Variants in ARHGAP11A observed in about 807,000 individuals in gnomAD.
The protein encoded by ARHGAP11A is rho GTPase-activating protein 11A.
Under a neutral mutation model 60.5 loss-of-function variants are expected in ARHGAP11A, and 36 were observed. The observed-to-expected ratio is 0.59, with a 90% CI of 0.46 to 0.79. ARHGAP11A has a LOEUF of 0.79. Among genes scored for constraint, ARHGAP11A ranks in the 30% least tolerant of loss-of-function variants. The pLI is 0.00. For synonymous variants in ARHGAP11A, 362 were observed against 415.5 expected, an observed-to-expected ratio of 0.87 and a Z score of 1.57; for missense variants, 1,071 against 1,199.2, an observed-to-expected ratio of 0.89 and a Z score of 1.58.
At chr15:32,620,231 C>T (rs1481883633) in intron 2 of ARHGAP11A, 53 bp downstream of exon 2, 78 of 1,606,084 alleles carry the variant, frequency 4.9e-5, no homozygotes, top group Admixed American at 2.9e-4. Context: ...ATGCCTGTAA[C>T]CCCAGCATTT....
Position 32,638,469 on chromosome 15 carries a change from T to C in ARHGAP11A, c.*624T>C, listed in dbSNP as rs910817372. On this transcript the variant is annotated 3_prime_UTR_variant, in exon 12 of 12. Transcript: ENST00000361627. ...GTGATAGAAAGAATGGAGCAAGTTG[T>C]GCCTATTTCCTCCAAGTCAGATAAG... is the stretch of plus-strand genomic sequence containing the variant. 2.0e-5 allele frequency: 3 copies of C among 152,230 alleles called. No individual in the cohort carries two copies. The highest frequency in any genetic ancestry group is 7.2e-5 in the African/African-American group (3 of 41,458). 9.4% of individuals were successfully genotyped at this position (152,230 alleles called of 1,614,324 possible).
At chr15:32,633,358 A>T (rs963380608) in intron 9 of ARHGAP11A, among the ~76,000 whole-genome samples, 1 of 152,040 alleles carries the variant, frequency 6.6e-6, no homozygotes, top group Non-Finnish European at 1.5e-5. Flanking sequence ...TTCCTGTTAG[A>T]GGCTGGGCAC....
Position 32,616,188 on chromosome 15 carries a change from C to T in ARHGAP11A, c.-24C>T. On this transcript the variant is annotated 5_prime_UTR_variant, in exon 1 of 12. Transcript: ENST00000361627. Reference sequence around the variant, plus strand: ...GAGGGTCAGGACCTGCATCCTGCCTCAGAGAGTTATCGACGTATCCGGAAT... The same window carrying T: ...GAGGGTCAGGACCTGCATCCTGCCTTAGAGAGTTATCGACGTATCCGGAAT... 6.2e-7 allele frequency: 1 copy of T among 1,613,286 alleles called. No individual in the cohort carries two copies.
At chr15:32,626,401 C>T (rs945046789) in intron 6 of ARHGAP11A, among the ~76,000 whole-genome samples, 2 of 152,294 alleles carry the variant, frequency 1.3e-5, no homozygotes, top group African/African-American at 2.4e-5. Context: ...ATAAAACTTG[C>T]AATCTCCTTG....
In ARHGAP11A at chr15:32,625,620, A is replaced by G. The variant is rs1197377929; in HGVS notation, c.849A>G (p.Arg283=). Reference sequence around the variant, plus strand: ...CTGGTGAATATAAGAGAAAGAGAAGACAAAGTGTAGGAGGTAAGTGGCGGT... The same window carrying G: ...CTGGTGAATATAAGAGAAAGAGAAGGCAAAGTGTAGGAGGTAAGTGGCGGT... ...ETPGEYKRKR[R]QSVGDFVSGA... The change falls in exon 6 of 12, where the codon AGA becomes AGG. Residue 283 remains arginine (R), a synonymous_variant. Transcript: ENST00000361627. 1.2e-6 allele frequency: 2 copies of G among 1,613,870 alleles called. No individual in the cohort carries two copies. Among genetic ancestry groups the G allele is most frequent in the East Asian group, 2.2e-5 (1 of 44,888 alleles).
In ARHGAP11A at chr15:32,635,769, C is replaced by A; in HGVS notation, c.1345-8C>A. 1 of 1,472,064 alleles carries A rather than the reference C, an allele frequency of 6.8e-7. No homozygotes were observed. Among genetic ancestry groups the A allele is most frequent in the Non-Finnish European group, 9.0e-7 (1 of 1,110,626 alleles). 91.2% of individuals were successfully genotyped at this position (1,472,064 alleles called of 1,614,324 possible). A position where few individuals can be genotyped will look rare whatever the true frequency, so the allele number is the denominator to read the frequency against. ...TTTCTTAACTAAAACTTTTTTTTTT[C>A]TGTACAGAATGGATGTTCTGGTGTC... On this transcript the variant is annotated splice_region_variant and splice_polypyrimidine_tract_variant and intron_variant, in intron 10 of 11. Transcript: ENST00000361627.
chr15:32,634,045 A>G lies in ARHGAP11A; in HGVS notation c.1344+4A>G, dbSNP rs2053647727. ...AGGGAAAAATGGCAGAGAAGTAGTA[A>G]GTTTCTTACCATTTTATTGATCTTT... is the stretch of plus-strand genomic sequence containing the variant. On this transcript the variant is annotated splice_donor_region_variant and intron_variant, in intron 10 of 11. Coordinates refer to ENST00000361627, the MANE Select transcript of ARHGAP11A (RefSeq NM_014783.6). 7 of 1,580,200 alleles carry G rather than the reference A, an allele frequency of 4.4e-6. No individual in the cohort carries two copies. The highest frequency in any genetic ancestry group is 5.2e-6 in the Non-Finnish European group (6 of 1,159,400).
In ARHGAP11A at chr15:32,636,813, A is replaced by G. The variant is rs1201485746; in HGVS notation, c.2040A>G (p.Gln680=). 3.1e-6 allele frequency: 5 copies of G among 1,608,662 alleles called. 1 individual carries two copies. The Admixed American group carries it at 8.5e-5, about 27-fold the overall frequency. ...SERDFSPLQT[Q]TFNRETTIKC... Reference sequence around the variant, plus strand: ...GGGACTTTTCACCCCTTCAAACTCAAACATTTAATAGAGAAACAACTATAA... The same window carrying G: ...GGGACTTTTCACCCCTTCAAACTCAGACATTTAATAGAGAAACAACTATAA... Residue 680 remains glutamine (Q), a synonymous_variant, in exon 12 of 12, where the codon CAA becomes CAG. Transcript: ENST00000361627.
At chr15:32,627,958 C>T (rs1036006447) in intron 6 of ARHGAP11A, among the ~76,000 whole-genome samples, 15 of 151,716 alleles carry the variant, frequency 9.9e-5, no homozygotes, top group African/African-American at 3.1e-4. Context: ...TACAGGTGCA[C>T]GCTACCACGC....
At chr15:32,634,199 A>G (rs926103661) in intron 10 of ARHGAP11A, among the ~76,000 whole-genome samples, 158 bp downstream of exon 10, 7 of 152,230 alleles carry the variant, frequency 4.6e-5, no homozygotes, top group African/African-American at 1.7e-4. Flanking sequence ...ATTTCCTTGC[A>G]TTGGAGTACC....
chr15:32,615,869 A>G lies in ARHGAP11A; in HGVS notation c.-343A>G. On this transcript the variant is annotated 5_prime_UTR_variant, in exon 1 of 12. Coordinates refer to ENST00000361627, the MANE Select transcript of ARHGAP11A (RefSeq NM_014783.6). ...GATCGTTGGAAGTAGCAAGAAGTGGAGAGAATCTGGCAATAGACGAGAAAC... is the reference window on the plus strand; with the variant it reads ...GATCGTTGGAAGTAGCAAGAAGTGGGGAGAATCTGGCAATAGACGAGAAAC... 3.2e-6 allele frequency: 1 copy of G among 316,760 alleles called. No individual in the cohort carries two copies. Among genetic ancestry groups the G allele is most frequent in the Non-Finnish European group, 5.8e-6 (1 of 170,964 alleles). 19.6% of individuals were successfully genotyped at this position (316,760 alleles called of 1,614,324 possible). A position where few individuals can be genotyped will look rare whatever the true frequency, so the allele number is the denominator to read the frequency against.
Position 32,637,608 on chromosome 15 carries a change from T to C in ARHGAP11A, c.2835T>C (p.Thr945=), listed in dbSNP as rs778237972. 9.3e-6 allele frequency: 15 copies of C among 1,614,202 alleles called. No homozygotes were observed. Among genetic ancestry groups the C allele is most frequent in the Non-Finnish European group, 1.1e-5 (13 of 1,180,040 alleles). Residue 945 remains threonine, a synonymous_variant, in exon 12 of 12, where the codon ACT becomes ACC. Coordinates refer to ENST00000361627, the MANE Select transcript of ARHGAP11A (RefSeq NM_014783.6). ...CAGTGAATGCTTCTCTTAGGTCTAC[T>C]ACAGTTTATAAACAGAAGATCTTAT... is the stretch of plus-strand genomic sequence containing the variant. The part of the protein sequence containing the change: ...PDSVNASLRS[T]TVYKQKILSD...
Position 32,636,809 on chromosome 15 carries a change from C to T in ARHGAP11A, c.2036C>T (p.Thr679Ile). 6.2e-7 allele frequency: 1 copy of T among 1,608,980 alleles called. No individual in the cohort carries two copies. The highest frequency in any genetic ancestry group is 8.5e-7 in the Non-Finnish European group (1 of 1,178,810). Residue 679 changes from threonine to isoleucine, a missense_variant, in exon 12 of 12, where the codon ACT (threonine) becomes ATT (isoleucine). Thr to Ile is a moderately conservative substitution (Grantham distance 89). Coordinates refer to ENST00000361627, the MANE Select transcript of ARHGAP11A (RefSeq NM_014783.6). ...GAGAGGGACTTTTCACCCCTTCAAA[C>T]TCAAACATTTAATAGAGAAACAACT... ...FSERDFSPLQ[T>I]QTFNRETTIK...
At position 32,629,703 on chromosome 15, in the gene ARHGAP11A, A is replaced by C. The variant is rs1161362918; in HGVS notation, c.1046A>C (p.Asn349Thr). The change falls in exon 8 of 12, where the codon AAT becomes ACT. Residue 349 changes from asparagine to threonine, a missense_variant. Around this residue, in one of 4 missense-constraint regions of ARHGAP11A, gnomAD observed 196 missense variants for 272.1 expected, o/e 0.72. Transcript: ENST00000361627. ...SSKKRKSIKH[N>T]FNFELLPSNL... is the part of the protein sequence containing the mutation. ...AAGAAAAGGAAGTCCATCAAGCACA[A>C]TTTTAACTTTGAGCTGTTGCCAAGT... The C allele has an allele frequency of 1.2e-6, 2 of 1,613,358 alleles. No individual in the cohort carries two copies. Among genetic ancestry groups the C allele is most frequent in the African/African-American group, 2.7e-5 (2 of 74,884 alleles).
chr15:32,628,755 T>A lies in ARHGAP11A; in HGVS notation c.890T>A (p.Phe297Tyr). 1 of 1,571,376 alleles carries A rather than the reference T, an allele frequency of 6.4e-7. No individual in the cohort carries two copies. Among genetic ancestry groups the A allele is most frequent in the Non-Finnish European group, 8.6e-7 (1 of 1,167,916 alleles). ...GDFVSGALNK[F>Y]KPNRTPSITP... ...TTTGTTAGTGGAGCACTAAATAAAT[T>A]TAAACCTAACAGAACACCTTCTATT... The change falls in exon 7 of 12, where the codon TTT (phenylalanine) becomes TAT (tyrosine). Residue 297 changes from phenylalanine to tyrosine, a missense_variant. Coordinates refer to ENST00000361627, the MANE Select transcript of ARHGAP11A (RefSeq NM_014783.6).
chr15:32,620,686 T>G (rs2053274054), intron 2 of ARHGAP11A, among the ~76,000 whole-genome samples: 1 of 152,090 alleles, frequency 6.6e-6, no homozygotes, highest in Non-Finnish European at 1.5e-5. Context: ...CAGTTTTCAG[T>G]TCTATGTGAA....
intron 7 of ARHGAP11A, among the ~76,000 whole-genome samples, 167 bp from the exon 8 acceptor site, chr15:32,629,428 G>A (rs924570818): frequency 1.4e-5 from 2 of 148,098 alleles, no homozygotes; most frequent in African/African-American, 5.0e-5. Context: ...TTAAGTAATT[G>A]CAGAGTGTTT....
At chr15:32,630,582 G>A (rs1339851618) in intron 8 of ARHGAP11A, among the ~76,000 whole-genome samples, 1 of 151,628 alleles carries the variant, frequency 6.6e-6, no homozygotes, top group Non-Finnish European at 1.5e-5. Context: ...TTTTTATTTT[G>A]TTGGTTTCAG....
rs1450615367 is a variant in ARHGAP11A at position 32,637,328 on chromosome 15, G to A, written c.2555G>A (p.Ser852Asn). ...AGAATTAATTCTTTGTTGGAGTATA[G>A]CAGACAACCTACAGGGCATAAGTTG... ...VRRINSLLEY[S>N]RQPTGHKLAS... The change falls in exon 12 of 12, where the codon AGC becomes AAC. Residue 852 changes from serine to asparagine, a missense_variant. Physicochemically the swap from Ser to Asn is conservative, Grantham distance 46 (BLOSUM62 1). Around this residue, in one of 4 missense-constraint regions of ARHGAP11A, gnomAD observed 776 missense variants for 760.2 expected, o/e 1.02. Coordinates refer to ENST00000361627, the MANE Select transcript of ARHGAP11A (RefSeq NM_014783.6). 1.9e-6 allele frequency: 3 copies of A among 1,614,196 alleles called. No individual in the cohort carries two copies. Among genetic ancestry groups the A allele is most frequent in the Non-Finnish European group, 1.7e-6 (2 of 1,180,024 alleles).
Sources: allele counts gnomAD v4.1 joint callset (sites outside exome capture counted in the v4.1 genomes callset), GRCh38; gene constraint gnomAD v4.1.1; regional missense constraint gnomAD v4.1.1; transcripts MANE v1.5; gene names NCBI Gene and HGNC (gene_info 2026-07-23, HGNC 2026-07-21).